The following ADAMTSL3 variants were observed in gnomAD, a reference collection of about 807,000 sequenced individuals.
ADAMTSL3 encodes the protein ADAMTS like 3.
ADAMTSL3 carries 128 observed loss-of-function variants against 201.7 expected under a neutral mutation model. That is an observed-to-expected ratio of 0.63 (90% CI 0.55 to 0.73). The LOEUF (loss-of-function observed/expected upper bound fraction) is 0.73. Among genes scored for constraint, ADAMTSL3 ranks in the 30% least tolerant of loss-of-function variants. The pLI is 0.00. For missense variants in ADAMTSL3, 1,990 were observed against 2,119.6 expected, an observed-to-expected ratio of 0.94 and a Z score of 1.20; for synonymous variants, 738 against 748.4, an observed-to-expected ratio of 0.99 and a Z score of 0.23.
intron 3 of ADAMTSL3, among the ~76,000 whole-genome samples, chr15:83,767,208 G>A (rs1271171750): frequency 1.3e-5 from 2 of 152,346 alleles, no homozygotes; most frequent in East Asian, 1.9e-4. Flanking sequence ...GGCTTGCTGA[G>A]AAGGTTAGAG....
intron 20 of ADAMTSL3, among the ~76,000 whole-genome samples, chr15:83,975,994 T>C (rs2067279272): frequency 6.6e-6 from 1 of 152,146 alleles, no homozygotes; most frequent in South Asian, 2.1e-4. Flanking sequence ...TATGACAATA[T>C]CTTGGTGAGA....
At chr15:83,941,815 T>C (rs2066565902) in intron 17 of ADAMTSL3, among the ~76,000 whole-genome samples, 1 of 152,254 alleles carries the variant, frequency 6.6e-6, no homozygotes, top group African/African-American at 2.4e-5. Flanking sequence ...TTCCTCATGA[T>C]GTATCTCTAC....
intron 3 of ADAMTSL3, among the ~76,000 whole-genome samples, chr15:83,720,145 G>C (rs2062078309): frequency 6.6e-6 from 1 of 152,158 alleles, no homozygotes; most frequent in Non-Finnish European, 1.5e-5. Context: ...CTTGAGTCTG[G>C]GAGGCAGAGG....
chr15:83,792,744 CTGCACACCA>C (rs1432322433), intron 4 of ADAMTSL3, among the ~76,000 whole-genome samples: 1 of 150,948 alleles, frequency 6.6e-6, no homozygotes, highest in Admixed American at 6.6e-5. Flanking sequence ...GATTGTGCCA[CTGCACACCA>C]TGCACACCAG....
rs1213684631 is a variant in ADAMTSL3, at chr15:84,036,813, G to C, written c.4795G>C (p.Val1599Leu). 1.2e-6 allele frequency: 2 copies of C among 1,614,008 alleles called. No homozygotes were observed. Among genetic ancestry groups the C allele is most frequent in the Admixed American group, 3.3e-5 (2 of 60,010 alleles). ...GAACTGCACATCAGGGGCCTGTGAT[G>C]TGTGTTGGCACACAGGCCCTTGGAA... is the stretch of plus-strand genomic sequence containing the variant. ...RRNCTSGACDVCWHTGPWKPC... is the reference protein window; with the variant it reads ...RRNCTSGACDLCWHTGPWKPC... Residue 1599 changes from valine (V) to leucine (L), a missense_variant, in exon 29 of 30, where the codon GTG (valine) becomes CTG (leucine). Val to Leu is a conservative substitution (Grantham distance 32, BLOSUM62 1). Coordinates refer to ENST00000286744, the MANE Select transcript of ADAMTSL3 (RefSeq NM_207517.3).
intron 15 of ADAMTSL3, among the ~76,000 whole-genome samples, chr15:83,908,463 C>G (rs966287553): frequency 6.6e-6 from 1 of 152,164 alleles, no homozygotes; most frequent in African/African-American, 2.4e-5. Flanking sequence ...TTAATTCTCA[C>G]CCAATACCAT....
rs774354800 is a variant in ADAMTSL3, at chr15:84,014,680, A to G, written c.4112A>G (p.Asn1371Ser). ...NEGTYVCIATNALGKAVATSV... is the reference protein window; with the variant it reads ...NEGTYVCIATSALGKAVATSV... ...GGAACCTACGTCTGCATAGCCACCA[A>G]TGCTCTTGGAAAGGCAGTGGCAACA... The change falls in exon 24 of 30, where the codon AAT becomes AGT. Residue 1371 changes from asparagine (N) to serine (S), a missense_variant. Asn to Ser is a conservative substitution (Grantham distance 46). Coordinates refer to ENST00000286744, the MANE Select transcript of ADAMTSL3 (RefSeq NM_207517.3). 12 of 1,610,056 alleles carry G rather than the reference A, an allele frequency of 7.5e-6. No homozygotes were observed. The highest frequency in any genetic ancestry group is 1.0e-5 in the Non-Finnish European group (12 of 1,178,976).
chr15:83,755,856 G>T (rs1483777017), intron 3 of ADAMTSL3, among the ~76,000 whole-genome samples: 3 of 151,986 alleles, frequency 2.0e-5, no homozygotes, highest in Non-Finnish European at 4.4e-5. Flanking sequence ...CGCCTTCCAG[G>T]TTCAAGTGAT....
intron 2 of ADAMTSL3, among the ~76,000 whole-genome samples, chr15:83,695,186 G>GGTATGTTTGTGGTATGT: frequency 4.1e-5 from 5 of 122,930 alleles, no homozygotes; most frequent in Admixed American, 9.3e-5. Context: ...TGATGTGCAT[G>GGTATGTTTGTGGTATGT]ATATGTGCAT....
At chr15:83,895,564 G>A (rs1007743948) in intron 13 of ADAMTSL3, among the ~76,000 whole-genome samples, 11 of 152,020 alleles carry the variant, frequency 7.2e-5, no homozygotes, top group Non-Finnish European at 1.0e-4. Context: ...TTCCATCATC[G>A]AGGACATATG....
chr15:83,833,771 C>T lies in ADAMTSL3; in HGVS notation c.601-4318C>T, dbSNP rs149585335. Among the ~76,000 whole-genome samples the T allele has an allele frequency of 3.2e-3, 489 of 152,226 alleles. 3 individuals carry two copies. Among genetic ancestry groups the T allele is most frequent in the Non-Finnish European group, 5.4e-3 (369 of 68,016 alleles). The stretch of plus-strand genomic sequence containing the variant: ...AAAACTCAGATGTCTACATACTGCC[C>T]CAGAGAGAAACTGCCCAGATGTAGT... On this transcript the variant is annotated intron_variant, in intron 6 of 29. Coordinates refer to ENST00000286744, the MANE Select transcript of ADAMTSL3 (RefSeq NM_207517.3).
intron 2 of ADAMTSL3, among the ~76,000 whole-genome samples, chr15:83,694,965 T>C (rs1229926244): frequency 6.6e-6 from 1 of 152,176 alleles, no homozygotes; most frequent in Non-Finnish European, 1.5e-5. Flanking sequence ...CAAGATCTTT[T>C]CACTGATTAA....
chr15:83,886,809 C>G (rs1038866827), intron 10 of ADAMTSL3, among the ~76,000 whole-genome samples: 1 of 152,178 alleles, frequency 6.6e-6, no homozygotes, highest in African/African-American at 2.4e-5. Context: ...AGATGTCTCT[C>G]TTCTGGAATT....
At position 83,897,842 on chromosome 15, in the gene ADAMTSL3, C is replaced by G. The variant is rs1057115713; in HGVS notation, c.1468-16C>G. The G allele has an allele frequency of 3.8e-6, 6 of 1,570,026 alleles. No homozygotes were observed. The highest frequency in any genetic ancestry group is 1.4e-5 in the African/African-American group (1 of 73,330). ...TCTTAAAAGAAATGCGTTGGCTTCT[C>G]TTTTCTTCTTTGAAGTGCACAGTGA... On this transcript the variant is annotated splice_polypyrimidine_tract_variant and intron_variant, in intron 13 of 29. Coordinates refer to ENST00000286744, the MANE Select transcript of ADAMTSL3 (RefSeq NM_207517.3).
chr15:83,890,577 A>G, intron 11 of ADAMTSL3: 1 of 216,676 alleles, frequency 4.6e-6, no homozygotes, highest in Non-Finnish European at 9.0e-6. Context: ...TTTAGCTTTT[A>G]AACTGGGTCA....
At chr15:83,846,435 G>A (rs1324644312) in intron 7 of ADAMTSL3, among the ~76,000 whole-genome samples, 6 of 152,330 alleles carry the variant, frequency 3.9e-5, no homozygotes, top group Middle Eastern at 6.8e-3. Flanking sequence ...TTCCAAGGAC[G>A]GCGAGATGAG....
At chr15:83,774,920 C>T (rs1260537653) in intron 4 of ADAMTSL3, among the ~76,000 whole-genome samples, 1 of 151,256 alleles carries the variant, frequency 6.6e-6, no homozygotes, top group Non-Finnish European at 1.5e-5. Context: ...GATCTGGGCT[C>T]ACTGAAACCT....
rs72748629 is a variant in ADAMTSL3, at chr15:83,938,762, A to G, written c.2118-3834A>G. 4.8e-3 allele frequency among the ~76,000 whole-genome samples: 733 copies of G among 152,172 alleles called. 4 individuals are homozygous for G. The highest frequency in any genetic ancestry group is 7.1e-3 in the Non-Finnish European group (481 of 67,984). ...ACATATTCTGTTTCATAACTTTCTT[A>G]GTGCTTTAGCACTGTGTGTTTACAT... On this transcript the variant is annotated intron_variant, in intron 17 of 29. Transcript: ENST00000286744.
At chr15:83,669,608 C>A (rs866475739) in intron 2 of ADAMTSL3, among the ~76,000 whole-genome samples, 30 of 150,892 alleles carry the variant, frequency 2.0e-4, no homozygotes, top group African/African-American at 7.3e-4. Flanking sequence ...GCTGGGACTA[C>A]AGGTGCCCGC....
Sources: gnomAD v4.1 joint callset for allele counts (sites outside exome capture counted in the v4.1 genomes callset) on GRCh38, gnomAD v4.1.1 for gene constraint, MANE v1.5 for transcripts, NCBI Gene and HGNC (gene_info 2026-07-23, HGNC 2026-07-21) for gene names.